MYO5A: variants seen among roughly 807,000 people sequenced by gnomAD.
The protein encoded by MYO5A is myosin VA, also known as unconventional myosin-Va.
In MYO5A, 98 loss-of-function variants were observed where a neutral mutation model predicts 249.7. The observed-to-expected ratio is 0.39, with a 90% CI of 0.33 to 0.46. MYO5A has a LOEUF of 0.46. MYO5A is among the 20% of genes least tolerant of loss of function. The pLI is 0.98. For missense variants in MYO5A, 1,696 were observed against 2,308.8 expected (o/e 0.73, Z 5.44); for synonymous variants, 778 against 810.6 (o/e 0.96, Z 0.68).
intron 4 of MYO5A, among the ~76,000 whole-genome samples, chr15:52,418,716 G>A (rs2043635732): frequency 1.3e-5 from 2 of 150,840 alleles, no homozygotes; most frequent in Admixed American, 6.6e-5. Flanking sequence ...ATTCAAGGAT[G>A]AGCAAGAGAG....
chr15:52,435,737 G>C (rs1010139360), intron 1 of MYO5A: 2 of 433,748 alleles, frequency 4.6e-6, no homozygotes, highest in African/African-American at 4.1e-5. Flanking sequence ...TTTTAGTCTT[G>C]ACAAGTAAGA....
chr15:52,508,296 TAGAATC>T lies in MYO5A; in HGVS notation c.27+20478_27+20483del, dbSNP rs556129033. On this transcript the variant is annotated intron_variant, in intron 1 of 41. Transcript: ENST00000399233. ...GTTTCAATCATATCTTTCAAAAACT[TAGAATC>T]AGATAATCCAAGTGGATTTTGTAGC... 2.7e-3 allele frequency among the ~76,000 whole-genome samples: 407 copies of T among 152,094 alleles called. 2 individuals are homozygous for T. Among genetic ancestry groups the T allele is most frequent in the African/African-American group, 9.5e-3 (395 of 41,470 alleles).
At chr15:52,499,788 G>A (rs2077115801) in intron 1 of MYO5A, among the ~76,000 whole-genome samples, 1 of 152,214 alleles carries the variant, frequency 6.6e-6, no homozygotes, top group Non-Finnish European at 1.5e-5. Flanking sequence ...ATGCTACTGT[G>A]AACACAGATG....
At chr15:52,492,840 C>T (rs928484841) in intron 1 of MYO5A, among the ~76,000 whole-genome samples, 7 of 152,138 alleles carry the variant, frequency 4.6e-5, no homozygotes, top group African/African-American at 1.4e-4. Flanking sequence ...AGTTGGGGCC[C>T]GGGCACATGG....
intron 22 of MYO5A, among the ~76,000 whole-genome samples, chr15:52,368,585 C>T (rs753468790): frequency 6.6e-6 from 1 of 152,146 alleles, no homozygotes; most frequent in South Asian, 2.1e-4. Flanking sequence ...TGTTTTCATT[C>T]TTCCCCTATC....
chr15:52,496,093 GA>G (rs5812611), intron 1 of MYO5A, among the ~76,000 whole-genome samples: 138,748 of 148,840 alleles, frequency 0.93, 65,384 homozygotes, highest in East Asian at 1. Context: ...AAAGAGAAAT[GA>G]AAAAAAAAAA....
chr15:52,428,104 G>A (rs2075437513), intron 3 of MYO5A, among the ~76,000 whole-genome samples: 1 of 152,226 alleles, frequency 6.6e-6, no homozygotes, highest in African/African-American at 2.4e-5. Flanking sequence ...GTTTTTGGAA[G>A]AGAAGAAAAC....
At chr15:52,444,651 GTT>G (rs756693564) in intron 1 of MYO5A, among the ~76,000 whole-genome samples, 15 of 152,114 alleles carry the variant, frequency 9.9e-5, no homozygotes, top group Non-Finnish European at 1.9e-4. Context: ...TGGGACCAAA[GTT>G]GCTCAACTAA....
At chr15:52,520,194 G>A (rs934106804) in intron 1 of MYO5A, among the ~76,000 whole-genome samples, 1 of 152,150 alleles carries the variant, frequency 6.6e-6, no homozygotes, top group Non-Finnish European at 1.5e-5. Flanking sequence ...TGGACTGAGG[G>A]TAGTTGTTTA....
chr15:52,500,880 G>T (rs1436089751), intron 1 of MYO5A, among the ~76,000 whole-genome samples: 1 of 151,970 alleles, frequency 6.6e-6, no homozygotes, highest in Non-Finnish European at 1.5e-5. Context: ...CAGGAGTGAG[G>T]CATCTCAATT....
rs955923970 is a variant in MYO5A, at chr15:52,330,299, C to T, written c.4555+54G>A. Reference sequence around the variant, plus strand: ...TCAAAAATTAGTGACTAGTTTTTCCCACCATTAACCCATGTGCCAGAAGGA... The same window carrying T: ...TCAAAAATTAGTGACTAGTTTTTCCTACCATTAACCCATGTGCCAGAAGGA... On this transcript the variant is annotated intron_variant, in intron 35 of 41. Transcript: ENST00000399233. The T allele has an allele frequency of 3.1e-6, 5 of 1,611,894 alleles. No individual in the cohort carries two copies. The African/African-American group carries it at 6.7e-5, about 22-fold the overall frequency.
intron 38 of MYO5A, among the ~76,000 whole-genome samples, chr15:52,320,523 C>T (rs185276876): frequency 3.7e-4 from 57 of 152,242 alleles, no homozygotes; most frequent in African/African-American, 1.2e-3. Context: ...GCTTTAATGA[C>T]GTTTTAAGGG....
intron 9 of MYO5A, among the ~76,000 whole-genome samples, chr15:52,398,994 A>C (rs1595598056): frequency 6.6e-6 from 1 of 152,128 alleles, no homozygotes; most frequent in African/African-American, 2.4e-5. Context: ...GTCTCAAAAA[A>C]AAAAATTTTT....
At chr15:52,331,585 T>C (rs938275846) in intron 34 of MYO5A, 2 of 739,942 alleles carry the variant, frequency 2.7e-6, no homozygotes, top group South Asian at 6.1e-5. Flanking sequence ...AAGCTTAATA[T>C]TGCTGACTCC....
chr15:52,385,246 A>C (rs1210730782), intron 14 of MYO5A, among the ~76,000 whole-genome samples: 6 of 152,210 alleles, frequency 3.9e-5, no homozygotes, highest in African/African-American at 2.4e-5. Context: ...CTATAATTAT[A>C]TATCTATTAA....
At chr15:52,358,984 A>G (rs2040385727) in intron 25 of MYO5A, among the ~76,000 whole-genome samples, 1 of 152,200 alleles carries the variant, frequency 6.6e-6, no homozygotes, top group African/African-American at 2.4e-5. Flanking sequence ...ATAATGGCTT[A>G]AGAACATGAA....
chr15:52,417,368 T>C (rs1174723548), intron 4 of MYO5A, among the ~76,000 whole-genome samples: 2 of 152,202 alleles, frequency 1.3e-5, no homozygotes, highest in East Asian at 3.8e-4. Flanking sequence ...TACAAAACCA[T>C]TTAAAATATT....
At chr15:52,410,154 T>C (rs1328488835) in intron 6 of MYO5A, among the ~76,000 whole-genome samples, 179 bp downstream of exon 6, 1 of 152,176 alleles carries the variant, frequency 6.6e-6, no homozygotes, top group Non-Finnish European at 1.5e-5. Context: ...AGCATTTAAG[T>C]GGTACTCCCT....
intron 13 of MYO5A, 88 bp downstream of exon 13, chr15:52,389,150 C>G: frequency 1.4e-6 from 2 of 1,414,778 alleles, no homozygotes; most frequent in Non-Finnish European, 9.7e-7. Flanking sequence ...CAAACATCAG[C>G]AAAAGAAAAA....
Sources: gnomAD v4.1 joint callset for allele counts (sites outside exome capture counted in the v4.1 genomes callset) on GRCh38, gnomAD v4.1.1 for gene constraint, MANE v1.5 for transcripts, NCBI Gene and HGNC (gene_info 2026-07-23, HGNC 2026-07-21) for gene names.